Variants in ANKRD30B observed in about 807,000 individuals in gnomAD.
ANKRD30B encodes ankyrin repeat domain 30B.
ANKRD30B carries 144 observed loss-of-function variants against 202.2 expected under a neutral mutation model. The observed-to-expected ratio is 0.71, with a 90% confidence interval of 0.62 to 0.82. The LOEUF is 0.82. Ranked by LOEUF, ANKRD30B falls within the 40% of genes least tolerant of loss-of-function variation. The probability of loss-of-function intolerance (pLI) is 0.00; values close to 1 mark genes in which losing one functional copy is unlikely to be tolerated. For missense variants in ANKRD30B, 1,487 were observed against 1,669.1 expected (o/e 0.89, Z 1.90); for synonymous variants, 508 against 561.3 (o/e 0.91, Z 1.34).
At chr18:14,765,380 T>A (rs1915950463) in intron 7 of ANKRD30B, among the ~76,000 whole-genome samples, 1 of 151,690 alleles carries the variant, frequency 6.6e-6, no homozygotes, top group Admixed American at 6.6e-5. Context: ...GGAGAATTGC[T>A]TGAACCCAGG....
the ANKRD30B span, among the ~76,000 whole-genome samples, chr18:14,879,149 G>A: frequency 3.9e-5 from 6 of 152,244 alleles, no homozygotes; most frequent in Non-Finnish European, 7.3e-5. Flanking sequence ...GGGACAACTC[G>A]GGGCCACATC....
the ANKRD30B span, among the ~76,000 whole-genome samples, chr18:14,865,795 G>A: frequency 2.0e-5 from 3 of 152,170 alleles, no homozygotes; most frequent in Admixed American, 2.0e-4. Flanking sequence ...ACTGCAGGGA[G>A]GCCAGCCATG....
the ANKRD30B span, among the ~76,000 whole-genome samples, chr18:14,882,317 G>A: frequency 6.6e-6 from 1 of 152,070 alleles, no homozygotes; most frequent in South Asian, 2.1e-4. Flanking sequence ...GTGTCATCCA[G>A]TTCGAAGAAA....
chr18:14,796,989 T>G (rs188822497), intron 18 of ANKRD30B, among the ~76,000 whole-genome samples: 1 of 152,070 alleles, frequency 6.6e-6, no homozygotes, highest in Non-Finnish European at 1.5e-5. Context: ...AAAACAGAAA[T>G]GCAGACTTTC....
intron 7 of ANKRD30B, among the ~76,000 whole-genome samples, chr18:14,765,924 C>T (rs1376060514): frequency 4.0e-5 from 6 of 151,784 alleles, no homozygotes; most frequent in South Asian, 2.1e-4. Context: ...TAAAAAATAA[C>T]GATAGTAATT....
the ANKRD30B span, among the ~76,000 whole-genome samples, chr18:14,896,170 C>T: frequency 6.7e-6 from 1 of 150,240 alleles, no homozygotes; most frequent in Non-Finnish European, 1.5e-5. Context: ...CTCACTCTGT[C>T]GCCCAGGCTG....
At chr18:14,899,220 A>G in the ANKRD30B span, among the ~76,000 whole-genome samples, 1 of 152,142 alleles carries the variant, frequency 6.6e-6, no homozygotes, top group Non-Finnish European at 1.5e-5. Context: ...GCAAATGTCA[A>G]CTGTTCCCCT....
chr18:14,833,257 T>C (rs76464302), intron 34 of ANKRD30B, among the ~76,000 whole-genome samples: 1 of 151,938 alleles, frequency 6.6e-6, no homozygotes, highest in Non-Finnish European at 1.5e-5. Flanking sequence ...TCTTTTTTTT[T>C]TCTTTTTTGA....
At position 14,784,470 on chromosome 18, in the gene ANKRD30B, T is replaced by C; in HGVS notation, c.1607T>C (p.Val536Ala). 6.2e-7 allele frequency: 1 copy of C among 1,613,314 alleles called. No homozygotes were observed. The highest frequency in any genetic ancestry group is 1.1e-5 in the South Asian group (1 of 91,058). The change falls in exon 14 of 44, where the codon GTT becomes GCT. Residue 536 changes from valine to alanine, a missense_variant. By Grantham distance (64) the Val-to-Ala change is moderately conservative (BLOSUM62 0). Transcript: ENST00000690538. The stretch of plus-strand genomic sequence containing the variant: ...TCTTCCAAACCCATTTAGCCTGCCG[T>C]TGAAATGCAAAAGACTGTTCCAAAT... ...PEKPSAFKPA[V>A]EMQKTVPNKA...
intron 3 of ANKRD30B, among the ~76,000 whole-genome samples, chr18:14,753,985 G>A (rs1174930742): frequency 6.6e-6 from 1 of 152,090 alleles, no homozygotes; most frequent in Non-Finnish European, 1.5e-5. Context: ...TGCATTTAAA[G>A]AAGTAGATAT....
In ANKRD30B at chr18:14,789,749, T is replaced by A. The variant is rs189463659; in HGVS notation, c.1735-1652T>A. Among the ~76,000 whole-genome samples, 18 of 152,320 alleles carry A rather than the reference T, an allele frequency of 1.2e-4. No homozygotes were observed. The East Asian group carries it at 3.1e-3, about 26-fold the overall frequency. On this transcript the variant is annotated intron_variant, in intron 15 of 43. Transcript: ENST00000690538. The stretch of plus-strand genomic sequence containing the variant: ...GGCTGTGTTCTGTTCCATTGATCTA[T>A]ATCTCTGTTTTGGTACCAGTACCAC...
intron 15 of ANKRD30B, among the ~76,000 whole-genome samples, 151 bp downstream of exon 15, chr18:14,787,251 T>C (rs1243878014): frequency 6.6e-6 from 1 of 152,196 alleles, no homozygotes; most frequent in Non-Finnish European, 1.5e-5. Flanking sequence ...AGAGAATATA[T>C]GTGCTAAGTA....
At chr18:14,780,435 A>G (rs1406245784) in intron 11 of ANKRD30B, among the ~76,000 whole-genome samples, 1 of 150,190 alleles carries the variant, frequency 6.7e-6, no homozygotes, top group Non-Finnish European at 1.5e-5. Flanking sequence ...ACAGAGTGAG[A>G]CTCTGTCTCC....
chr18:14,919,179 G>A, the ANKRD30B span, among the ~76,000 whole-genome samples: 22 of 152,340 alleles, frequency 1.4e-4, no homozygotes, highest in East Asian at 4.1e-3. Context: ...AGGGATTAGG[G>A]CAAGGACTTG....
At chr18:14,804,954 G>A (rs917930462) in intron 24 of ANKRD30B, among the ~76,000 whole-genome samples, 9 of 150,618 alleles carry the variant, frequency 6.0e-5, no homozygotes, top group Admixed American at 4.6e-4. Context: ...TATTTTTACT[G>A]CAGAATGTTA....
At chr18:14,875,674 AGGGC>A in the ANKRD30B span, among the ~76,000 whole-genome samples, 7 of 152,318 alleles carry the variant, frequency 4.6e-5, no homozygotes, top group Admixed American at 3.9e-4. Context: ...CTTGGTCATT[AGGGC>A]ACTGGTGCAC....
intron 24 of ANKRD30B, among the ~76,000 whole-genome samples, chr18:14,805,532 T>G (rs1283444297): frequency 6.6e-6 from 1 of 150,388 alleles, no homozygotes; most frequent in African/African-American, 2.5e-5. Context: ...TTTAGTATTA[T>G]GCTCCAAGTA....
chr18:14,845,948 A>G (rs1002924489), intron 39 of ANKRD30B, among the ~76,000 whole-genome samples: 1 of 152,066 alleles, frequency 6.6e-6, no homozygotes, highest in African/African-American at 2.4e-5. Flanking sequence ...AAAAACTCCT[A>G]CCTCCTAATA....
rs778707311 is a variant in ANKRD30B at position 14,822,489 on chromosome 18, C to T, written c.2648C>T (p.Pro883Leu). Residue 883 changes from proline (P) to leucine (L), a missense_variant, in exon 31 of 44, where the codon CCT becomes CTT. Coordinates refer to ENST00000690538, the MANE Select transcript of ANKRD30B (RefSeq NM_001367607.2). ...DTLSGKLEES[P>L]DKDGLLKPTC... ...TATGTCCCTTTTCTTTTAGAGTCTC[C>T]TGATAAAGATGGTCTTCTGAAGGTA... The T allele has an allele frequency of 7.1e-7, 1 of 1,404,398 alleles. No homozygotes were observed. The highest frequency in any genetic ancestry group is 9.9e-7 in the Non-Finnish European group (1 of 1,007,372). 87.0% of individuals were successfully genotyped at this position (1,404,398 alleles called of 1,614,324 possible). A position where few individuals can be genotyped will look rare whatever the true frequency, so the allele number is the denominator to read the frequency against.
Sources: gnomAD v4.1 joint callset for allele counts (sites outside exome capture counted in the v4.1 genomes callset) on GRCh38, gnomAD v4.1.1 for gene constraint, MANE v1.5 for transcripts, NCBI Gene and HGNC (gene_info 2026-07-23, HGNC 2026-07-21) for gene names.